Variants in PPP2R5E observed in about 807,000 individuals in gnomAD.
PPP2R5E encodes serine/threonine-protein phosphatase 2A 56 kDa regulatory subunit epsilon isoform.
PPP2R5E carries 4 observed loss-of-function variants against 65.3 expected under a neutral mutation model. That is an observed-to-expected ratio of 0.06 (90% CI 0.03 to 0.14). The LOEUF is 0.14. Among genes scored for constraint, PPP2R5E ranks in the 10% least tolerant of loss-of-function variants. PPP2R5E has a pLI of 1.00. For missense variants in PPP2R5E, 274 were observed against 556.1 expected (o/e 0.49, Z 5.10); for synonymous variants, 183 against 187.4 (o/e 0.98, Z 0.19).
chr14:63,384,313 C>A, intron 12 of PPP2R5E, 131 bp downstream of exon 12: 1 of 1,092,450 alleles, frequency 9.2e-7, no homozygotes, highest in Non-Finnish European at 1.4e-6. Context: ...AGTGAATCCC[C>A]AGAAGGTAAG....
intron 2 of PPP2R5E, among the ~76,000 whole-genome samples, chr14:63,516,279 G>T (rs1481939732): frequency 2.0e-5 from 3 of 152,238 alleles, no homozygotes; most frequent in Non-Finnish European, 4.4e-5. Flanking sequence ...AATGAGAAAT[G>T]AGTGTTTTGG....
At chr14:63,519,207 T>C (rs1391041002) in intron 2 of PPP2R5E, among the ~76,000 whole-genome samples, 1 of 151,506 alleles carries the variant, frequency 6.6e-6, no homozygotes, top group Non-Finnish European at 1.5e-5. Flanking sequence ...AGAGCGAGAC[T>C]CCGTCTCAAA....
At chr14:63,387,481 C>T (rs1053404888) in intron 11 of PPP2R5E, among the ~76,000 whole-genome samples, 3 of 152,112 alleles carry the variant, frequency 2.0e-5, no homozygotes, top group African/African-American at 7.2e-5. Context: ...GATCTTAATG[C>T]CATACCTGAA....
chr14:63,468,696 TAAAC>T (rs2139546609), intron 2 of PPP2R5E, among the ~76,000 whole-genome samples: 1 of 147,100 alleles, frequency 6.8e-6, no homozygotes, highest in South Asian at 2.1e-4. Context: ...AGGAAATAAA[TAAAC>T]AAGCAATGTT....
intron 2 of PPP2R5E, among the ~76,000 whole-genome samples, chr14:63,480,048 T>C (rs1304011147): frequency 6.6e-6 from 1 of 152,216 alleles, no homozygotes; most frequent in Non-Finnish European, 1.5e-5. Context: ...GACAGTATAA[T>C]AAACCTTCAC....
intron 3 of PPP2R5E, among the ~76,000 whole-genome samples, chr14:63,428,845 G>GA (rs1035491232): frequency 9.2e-5 from 14 of 151,802 alleles, no homozygotes; most frequent in South Asian, 2.1e-4. Flanking sequence ...AATTACTGCA[G>GA]AAAAAAAATC....
intron 2 of PPP2R5E, among the ~76,000 whole-genome samples, chr14:63,454,560 TATTA>T (rs2139481850): frequency 6.6e-6 from 1 of 152,336 alleles, no homozygotes; most frequent in African/African-American, 2.4e-5. Context: ...TAACATCTTA[TATTA>T]ATATGTTCCC....
chr14:63,540,476 A>G (rs1374882190), intron 1 of PPP2R5E, among the ~76,000 whole-genome samples: 1 of 149,764 alleles, frequency 6.7e-6, no homozygotes, highest in East Asian at 2.0e-4. Context: ...CACACCCGTA[A>G]TCCCAAGGCG....
At position 63,402,345 on chromosome 14, in the gene PPP2R5E, A is replaced by T. The variant is rs188902033; in HGVS notation, c.550-5629T>A. The stretch of plus-strand genomic sequence containing the variant: ...CAAGTGTCACCATGCAAATATAAAC[A>T]CACATGTGCACACGGTAACATACAC... On this transcript the variant is annotated intron_variant, in intron 5 of 13. Coordinates refer to ENST00000337537, the MANE Select transcript of PPP2R5E (RefSeq NM_006246.5). Among the ~76,000 whole-genome samples the T allele has an allele frequency of 8.5e-5, 13 of 152,362 alleles. No individual in the cohort carries two copies. In the East Asian group the frequency reaches 2.5e-3, roughly 29 times the overall value.
intron 11 of PPP2R5E, among the ~76,000 whole-genome samples, chr14:63,388,116 T>G (rs1298814381): frequency 1.4e-5 from 2 of 146,200 alleles, no homozygotes; most frequent in Admixed American, 6.8e-5. Flanking sequence ...GATGCTCTTT[T>G]TTTTTTTTTC....
intron 2 of PPP2R5E, among the ~76,000 whole-genome samples, chr14:63,530,423 A>C (rs2139755460): frequency 6.6e-6 from 1 of 151,352 alleles, no homozygotes; most frequent in East Asian, 2.0e-4. Context: ...AATAGAGACG[A>C]GGTTTCACAA....
In PPP2R5E at chr14:63,448,649, C is replaced by T. The variant is rs372568237; in HGVS notation, c.354+5040G>A. Among the ~76,000 whole-genome samples, 14 of 152,148 alleles carry T rather than the reference C, an allele frequency of 9.2e-5. No individual in the cohort carries two copies. In the South Asian group the frequency reaches 2.5e-3, roughly 27 times the overall value. On this transcript the variant is annotated intron_variant, in intron 3 of 13. Coordinates refer to ENST00000337537, the MANE Select transcript of PPP2R5E (RefSeq NM_006246.5). ...ACTAAAAATACAAAAATTAGCCAGGCGTGGTGGCTCCCGTGTATAATGCCA... is the reference window on the plus strand; with the variant it reads ...ACTAAAAATACAAAAATTAGCCAGGTGTGGTGGCTCCCGTGTATAATGCCA...
chr14:63,435,971 C>A (rs1038292213), intron 3 of PPP2R5E, among the ~76,000 whole-genome samples: 1 of 152,126 alleles, frequency 6.6e-6, no homozygotes, highest in Non-Finnish European at 1.5e-5. Flanking sequence ...CAAAAATAGA[C>A]GTGTAAACAT....
intron 1 of PPP2R5E, 71 bp downstream of exon 1, chr14:63,542,708 A>G (rs1893953506): frequency 6.5e-6 from 1 of 153,084 alleles, no homozygotes; most frequent in African/African-American, 2.4e-5. Context: ...CCGGTGCCCC[A>G]TAGGTTCCCC....
intron 2 of PPP2R5E, among the ~76,000 whole-genome samples, chr14:63,457,430 T>C (rs184085463): frequency 2.9e-4 from 44 of 152,212 alleles, no homozygotes; most frequent in Middle Eastern, 6.8e-3. Context: ...ACAGTAACAC[T>C]AGATTTTAAC....
chr14:63,509,267 C>CTTTTTTTTTTTTTTTTTTTTTTTTTTTT (rs10553696), intron 2 of PPP2R5E, among the ~76,000 whole-genome samples: 1 of 108,066 alleles, frequency 9.3e-6, no homozygotes, highest in Non-Finnish European at 1.8e-5. Flanking sequence ...TTAAAATATC[C>CTTTTTTTTTTTTTTTTTTTTTTTTTTTT]TTTTTTTTTT....
At chr14:63,381,181 T>A (rs910669690) in intron 13 of PPP2R5E, among the ~76,000 whole-genome samples, 1 of 152,234 alleles carries the variant, frequency 6.6e-6, no homozygotes, top group South Asian at 2.1e-4. Flanking sequence ...GCCATAAGCA[T>A]TTATTGCAAA....
In PPP2R5E at chr14:63,521,290, T is replaced by C. The variant is rs191660009; in HGVS notation, c.157+18239A>G. Among the ~76,000 whole-genome samples the C allele has an allele frequency of 1.7e-3, 261 of 152,382 alleles. 1 individual carries two copies. Among genetic ancestry groups the C allele is most frequent in the African/African-American group, 6.1e-3 (255 of 41,596 alleles). On this transcript the variant is annotated intron_variant, in intron 2 of 13. Transcript: ENST00000337537. ...ATTCAACATAAGTTTTAGAACTTCA[T>C]CTAAACTGTTTTTGATTAAAATATC...
intron 3 of PPP2R5E, among the ~76,000 whole-genome samples, chr14:63,438,042 G>A (rs1484852323): frequency 6.6e-6 from 1 of 152,160 alleles, no homozygotes; most frequent in Middle Eastern, 3.2e-3. Context: ...CTCCTGAGAA[G>A]TCACTGAATA....
Sources: gnomAD v4.1 joint callset for allele counts (sites outside exome capture counted in the v4.1 genomes callset) on GRCh38, gnomAD v4.1.1 for gene constraint, MANE v1.5 for transcripts, NCBI Gene and HGNC (gene_info 2026-07-23, HGNC 2026-07-21) for gene names.